Variants in TAFA5 observed in about 807,000 individuals in gnomAD.
The protein encoded by TAFA5 is TAFA chemokine like family member 5.
Under a neutral mutation model 15.3 loss-of-function variants are expected in TAFA5, and 6 were observed. The observed-to-expected ratio is 0.39, with a 90% CI of 0.21 to 0.77. The LOEUF is 0.77. TAFA5 is among the 30% of genes least tolerant of loss of function. TAFA5 has a pLI of 0.41. For missense variants in TAFA5, 161 were observed against 193.1 expected, an observed-to-expected ratio of 0.83 and a Z score of 0.98; for synonymous variants, 103 against 80.7, an observed-to-expected ratio of 1.28 and a Z score of -1.48.
intron 2 of TAFA5, among the ~76,000 whole-genome samples, chr22:48,669,165 A>G (rs1927721658): frequency 1.3e-5 from 2 of 152,158 alleles, no homozygotes; most frequent in Admixed American, 6.5e-5. Context: ...TTGATCTCAG[A>G]CTTTCCAGTC....
chr22:48,696,124 G>A (rs561028530), intron 2 of TAFA5, among the ~76,000 whole-genome samples: 6 of 152,290 alleles, frequency 3.9e-5, no homozygotes, highest in African/African-American at 1.2e-4. Flanking sequence ...TTCGATGGGC[G>A]GGTGCCATGG....
intron 2 of TAFA5, among the ~76,000 whole-genome samples, chr22:48,679,328 C>T (rs1463091754): frequency 3.8e-5 from 1 of 25,980 alleles, no homozygotes; most frequent in Non-Finnish European, 6.5e-5. Context: ...ATCCCTCTCC[C>T]GGCTCCCCGT....
intron 2 of TAFA5, among the ~76,000 whole-genome samples, chr22:48,661,618 CAG>C (rs1305106603): frequency 2.0e-5 from 3 of 152,342 alleles, no homozygotes; most frequent in Non-Finnish European, 4.4e-5. Context: ...CAGCAGGGAA[CAG>C]AGAGGGGGCA....
chr22:48,499,330 T>C (rs1032363773), intron 1 of TAFA5, among the ~76,000 whole-genome samples: 1 of 152,172 alleles, frequency 6.6e-6, no homozygotes, highest in Admixed American at 6.5e-5. Flanking sequence ...TCATTACGCC[T>C]GCCTTTCCAG....
intron 3 of TAFA5, among the ~76,000 whole-genome samples, chr22:48,721,029 C>G (rs923079582): frequency 5.3e-5 from 8 of 152,314 alleles, no homozygotes; most frequent in Admixed American, 1.3e-4. Flanking sequence ...GGCGCTAAGG[C>G]CACTGTCCCC....
At chr22:48,599,725 G>C (rs1008292572) in intron 1 of TAFA5, among the ~76,000 whole-genome samples, 1 of 152,254 alleles carries the variant, frequency 6.6e-6, no homozygotes, top group African/African-American at 2.4e-5. Flanking sequence ...GGCTGCCCCT[G>C]GTTCTGCTGG....
chr22:48,571,527 C>T (rs1923583362), intron 1 of TAFA5, among the ~76,000 whole-genome samples: 1 of 146,678 alleles, frequency 6.8e-6, no homozygotes, highest in African/African-American at 2.6e-5. Flanking sequence ...CCTGCCTTGG[C>T]CTCCCAAAGT....
intron 3 of TAFA5, among the ~76,000 whole-genome samples, chr22:48,741,738 G>A (rs1930186088): frequency 6.6e-6 from 1 of 152,122 alleles, no homozygotes; most frequent in Admixed American, 6.5e-5. Flanking sequence ...AGCCAGCCTT[G>A]CCGCACCTGT....
At position 48,576,657 on chromosome 22, in the gene TAFA5, T is replaced by C. The variant is rs545228165; in HGVS notation, c.113-69940T>C. ...GGCGCCCGACCCGGCTTCCAGCACG[T>C]TCCGCTGCCGCCGCGCTCGGCTGAG... On this transcript the variant is annotated intron_variant, in intron 1 of 3. Coordinates refer to ENST00000402357, the MANE Select transcript of TAFA5 (RefSeq NM_001082967.3). The C allele has an allele frequency of 1.9e-4, 236 of 1,232,092 alleles. No homozygotes were observed. The East Asian group carries it at 5.5e-3, about 29-fold the overall frequency. 76.3% of individuals were successfully genotyped at this position (1,232,092 alleles called of 1,614,324 possible).
At chr22:48,522,361 G>A (rs898108116) in intron 1 of TAFA5, among the ~76,000 whole-genome samples, 6 of 152,030 alleles carry the variant, frequency 3.9e-5, no homozygotes, top group Admixed American at 2.6e-4. Context: ...CACAGGCTGG[G>A]GGGATGCAGA....
chr22:48,538,535 C>G (rs1370085343), intron 1 of TAFA5, among the ~76,000 whole-genome samples: 2 of 152,222 alleles, frequency 1.3e-5, no homozygotes. Flanking sequence ...TCTCCCTGCA[C>G]TGGTGCTGCC....
intron 2 of TAFA5, 133 bp from the exon 3 acceptor site, chr22:48,707,584 G>A (rs5771990): frequency 0.029 from 30,283 of 1,046,034 alleles, 561 homozygotes; most frequent in Admixed American, 0.059. Flanking sequence ...CCTGTGTGAG[G>A]GTCCCTGGGT....
At chr22:48,695,695 T>A (rs944230894) in intron 2 of TAFA5, among the ~76,000 whole-genome samples, 2 of 151,914 alleles carry the variant, frequency 1.3e-5, no homozygotes, top group African/African-American at 4.8e-5. Flanking sequence ...GTTCTCAGGT[T>A]TGGGGGTGGG....
chr22:48,582,386 C>A (rs914038221), intron 1 of TAFA5, among the ~76,000 whole-genome samples: 2 of 151,122 alleles, frequency 1.3e-5, no homozygotes, highest in African/African-American at 4.9e-5. Context: ...AAATACACCA[C>A]ATACCACACA....
At chr22:48,694,830 CTCCGCCCCCACCCCCCGCCGCTCCAGACT>C (rs1928658993) in intron 2 of TAFA5, among the ~76,000 whole-genome samples, 2 of 77,664 alleles carry the variant, frequency 2.6e-5, no homozygotes, top group African/African-American at 8.9e-5. Context: ...CCGCTCCGAC[CTCCGCCCCCACCCCCCGCCGCTCCAGACT>C]TCCACCCCCA....
In TAFA5 at chr22:48,732,403, C is replaced by A. The variant is rs563320919; in HGVS notation, c.391-17436C>A. Among the ~76,000 whole-genome samples the A allele has an allele frequency of 2.0e-5, 3 of 152,208 alleles. No individual in the cohort carries two copies. In the South Asian group the frequency reaches 6.2e-4, roughly 32 times the overall value. On this transcript the variant is annotated intron_variant, in intron 3 of 3. Coordinates refer to ENST00000402357, the MANE Select transcript of TAFA5 (RefSeq NM_001082967.3). ...TCCCGAGTAGGTGGGTCTACAGGCGCCCGCCACCACGCCCAGCTAATTTTT... is the reference window on the plus strand; with the variant it reads ...TCCCGAGTAGGTGGGTCTACAGGCGACCGCCACCACGCCCAGCTAATTTTT...
At chr22:48,562,043 T>C (rs748350493) in intron 1 of TAFA5, among the ~76,000 whole-genome samples, 73 of 152,198 alleles carry the variant, frequency 4.8e-4, no homozygotes, top group Non-Finnish European at 8.7e-4. Flanking sequence ...GGCGGTGGTG[T>C]GGACTAGGTC....
chr22:48,714,337 C>T (rs78225083), intron 3 of TAFA5, among the ~76,000 whole-genome samples: 8,030 of 152,306 alleles, frequency 0.053, 310 homozygotes, highest in Admixed American at 0.089. Flanking sequence ...ACGGAGCTGA[C>T]AAGCAGAGCT....
At chr22:48,654,083 G>C (rs910781144) in intron 2 of TAFA5, among the ~76,000 whole-genome samples, 3 of 152,066 alleles carry the variant, frequency 2.0e-5, no homozygotes, top group Admixed American at 6.6e-5. Context: ...TGGCTCTGCA[G>C]GGAGGGTCCT....
Sources: allele counts gnomAD v4.1 joint callset (sites outside exome capture counted in the v4.1 genomes callset), GRCh38; gene constraint gnomAD v4.1.1; transcripts MANE v1.5; gene names NCBI Gene and HGNC (gene_info 2026-07-23, HGNC 2026-07-21).